LRBA: variants seen among roughly 807,000 people sequenced by gnomAD.
LRBA encodes the protein lipopolysaccharide-responsive and beige-like anchor protein.
In LRBA, 176 loss-of-function variants were observed where a neutral mutation model predicts 330.0. The ratio of observed to expected loss-of-function variants is 0.53; its 90% confidence interval spans 0.47 to 0.60. LRBA has a LOEUF of 0.60. LRBA is among the 20% of genes least tolerant of loss of function. The pLI is 0.00. For missense variants in LRBA, 3,259 were observed against 3,444.8 expected (o/e 0.95, Z 1.35); for synonymous variants, 1,230 against 1,193.0 (o/e 1.03, Z -0.64).
intron 34 of LRBA, among the ~76,000 whole-genome samples, chr4:150,793,965 A>G (rs1740381712): frequency 6.6e-6 from 1 of 152,234 alleles, no homozygotes; most frequent in African/African-American, 2.4e-5. Context: ...GCATATTTAT[A>G]CTTACAATTT....
At chr4:150,586,098 C>T (rs922899183) in intron 40 of LRBA, among the ~76,000 whole-genome samples, 1 of 152,108 alleles carries the variant, frequency 6.6e-6, no homozygotes, top group Non-Finnish European at 1.5e-5. Flanking sequence ...CAAACAAATT[C>T]TTTTAAATTA....
intron 37 of LRBA, among the ~76,000 whole-genome samples, chr4:150,601,553 G>T (rs1774110953): frequency 6.6e-6 from 1 of 151,898 alleles, no homozygotes; most frequent in South Asian, 2.1e-4. Flanking sequence ...GGTCAAAATG[G>T]TGACATTTGG....
chr4:150,843,978 T>C (rs1187026477), intron 28 of LRBA, 122 bp downstream of exon 28: 1 of 599,776 alleles, frequency 1.7e-6, no homozygotes, highest in Non-Finnish European at 3.0e-6. Flanking sequence ...AAGTCGTTTC[T>C]AGACCTTTCT....
intron 44 of LRBA, among the ~76,000 whole-genome samples, chr4:150,467,214 A>G (rs940222919): frequency 1.3e-5 from 2 of 152,264 alleles, no homozygotes; most frequent in East Asian, 3.9e-4. Context: ...CTTTTTTAAT[A>G]GTCAGTTTGA....
At chr4:150,993,857 G>T (rs529487981) in intron 2 of LRBA, among the ~76,000 whole-genome samples, 1 of 152,046 alleles carries the variant, frequency 6.6e-6, no homozygotes, top group African/African-American at 2.4e-5. Flanking sequence ...TTCAAGATGA[G>T]ATTTGGGTGG....
chr4:150,508,811 A>G (rs1046575488), intron 40 of LRBA, among the ~76,000 whole-genome samples: 2 of 152,226 alleles, frequency 1.3e-5, no homozygotes, highest in African/African-American at 4.8e-5. Context: ...AAACAAGAAG[A>G]TTGAAAAATC....
chr4:150,453,805 C>A (rs567580386), intron 44 of LRBA, among the ~76,000 whole-genome samples: 1 of 152,260 alleles, frequency 6.6e-6, no homozygotes, highest in African/African-American at 2.4e-5. Flanking sequence ...ACCAACAAGA[C>A]ACCAGCAAGT....
At chr4:150,996,974 C>A (rs1186246680) in intron 2 of LRBA, among the ~76,000 whole-genome samples, 1 of 152,162 alleles carries the variant, frequency 6.6e-6, no homozygotes, top group African/African-American at 2.4e-5. Flanking sequence ...CAGATATACA[C>A]CCTGACTTAC....
chr4:150,897,600 C>T (rs183423594), intron 15 of LRBA, 139 bp downstream of exon 15: 41 of 604,618 alleles, frequency 6.8e-5, no homozygotes, highest in Admixed American at 3.1e-4. Flanking sequence ...CCAAAACAAA[C>T]ATGGAAATAT....
Position 150,415,475 on chromosome 4 carries a change from G to T in LRBA, c.7157C>A (p.Ala2386Asp). ...GTGAACAAATTCTTCTGAGGTTTTG[G>T]CCCAAGGAGGAAGTTCGACATCAGA... ...VVSDVELPPW[A>D]KTSEEFVHIN... The change falls in exon 47 of 57, where the codon GCC becomes GAC. Residue 2386 changes from alanine to aspartate, a missense_variant. Coordinates refer to ENST00000651943, the MANE Select transcript of LRBA (RefSeq NM_001364905.1). The T allele has an allele frequency of 6.2e-7, 1 of 1,613,310 alleles. No homozygotes were observed.
chr4:150,480,299 T>C (rs1394261313), intron 42 of LRBA, among the ~76,000 whole-genome samples: 1 of 152,154 alleles, frequency 6.6e-6, no homozygotes, highest in Non-Finnish European at 1.5e-5. Context: ...ACTTATTAGG[T>C]TACTTTCAAC....
In LRBA at chr4:150,914,279, A is replaced by G; in HGVS notation, c.1077T>C (p.Gly359=). ...ETADANRVFC[G]QMTAVYLFSE... is the part of the protein sequence containing the mutation. ...TGAAAAGGTAAACTGCAGTCATCTG[A>G]CCACAGAATACTCTATTAGCATCTG... Residue 359 remains glycine, a synonymous_variant, in exon 9 of 57, where the codon GGT becomes GGC. Transcript: ENST00000651943. 1 of 1,608,534 alleles carries G rather than the reference A, an allele frequency of 6.2e-7. No individual in the cohort carries two copies. Among genetic ancestry groups the G allele is most frequent in the Non-Finnish European group, 8.5e-7 (1 of 1,176,562 alleles).
At chr4:150,876,222 G>A (rs560381233) in intron 17 of LRBA, among the ~76,000 whole-genome samples, 1 of 152,080 alleles carries the variant, frequency 6.6e-6, no homozygotes, top group African/African-American at 2.4e-5. Flanking sequence ...AGAAATATAA[G>A]ACTATGCAAA....
chr4:150,660,465 T>C (rs1174269154), intron 37 of LRBA, among the ~76,000 whole-genome samples: 2 of 150,650 alleles, frequency 1.3e-5, no homozygotes, highest in African/African-American at 4.9e-5. Context: ...AGCCGCCCCG[T>C]CCGGGAGGGA....
intron 47 of LRBA, among the ~76,000 whole-genome samples, chr4:150,402,307 G>A (rs1202530271): frequency 2.7e-5 from 4 of 150,644 alleles, no homozygotes; most frequent in Non-Finnish European, 5.9e-5. Flanking sequence ...CAATGCCTAA[G>A]CATATTGCTA....
At chr4:150,836,313 C>T (rs1748065413) in intron 28 of LRBA, among the ~76,000 whole-genome samples, 1 of 152,154 alleles carries the variant, frequency 6.6e-6, no homozygotes, top group Non-Finnish European at 1.5e-5. Context: ...ATGCTGGCCT[C>T]ATAAAATGAG....
chr4:150,678,678 C>T (rs1782787487), intron 37 of LRBA, among the ~76,000 whole-genome samples: 2 of 152,266 alleles, frequency 1.3e-5, no homozygotes, highest in Middle Eastern at 6.8e-3. Context: ...GAAAATGTTA[C>T]CTTTATTAAG....
At chr4:150,857,021 G>A (rs1459925453) in intron 22 of LRBA, among the ~76,000 whole-genome samples, 2 of 152,066 alleles carry the variant, frequency 1.3e-5, no homozygotes, top group African/African-American at 4.8e-5. Context: ...CGTATAACCT[G>A]TAAAATTTAG....
In LRBA at chr4:150,914,228, T is replaced by C; in HGVS notation, c.1128A>G (p.Ile376Met). The change falls in exon 9 of 57, where the codon ATA (isoleucine) becomes ATG (methionine). Residue 376 changes from isoleucine to methionine, a missense_variant. Coordinates refer to ENST00000651943, the MANE Select transcript of LRBA (RefSeq NM_001364905.1). ...LFSEALNAAQ[I>M]FAIYQLGLGY... ...CCAGGCCCAACTGATAAATAGCAAA[T>C]ATCTGAGCTGCATTTAGAGCTTCAC... 1.9e-6 allele frequency: 3 copies of C among 1,609,890 alleles called. No individual in the cohort carries two copies. The highest frequency in any genetic ancestry group is 2.5e-6 in the Non-Finnish European group (3 of 1,177,896).
Sources: allele counts gnomAD v4.1 joint callset (sites outside exome capture counted in the v4.1 genomes callset), GRCh38; gene constraint gnomAD v4.1.1; transcripts MANE v1.5; gene names NCBI Gene and HGNC (gene_info 2026-07-23, HGNC 2026-07-21).